CYB5R4: variants seen among roughly 807,000 people sequenced by gnomAD.
CYB5R4 encodes cytochrome b5 reductase 4.
A neutral mutation model predicts 70.2 loss-of-function variants in CYB5R4; 55 were observed. The observed-to-expected ratio is 0.78, with a 90% CI of 0.63 to 0.98. The LOEUF is 0.98. Among genes scored for constraint, CYB5R4 ranks in the 50% least tolerant of loss-of-function variants. CYB5R4 has a pLI of 0.00. For synonymous variants in CYB5R4, 197 were observed against 199.5 expected (o/e 0.99, Z 0.11); for missense variants, 562 against 612.6 (o/e 0.92, Z 0.87).
intron 10 of CYB5R4, among the ~76,000 whole-genome samples, chr6:83,932,705 C>A (rs988400156): frequency 2.6e-5 from 4 of 152,136 alleles, no homozygotes; most frequent in Admixed American, 6.5e-5. Flanking sequence ...CCAAATGACC[C>A]CAAATCTACT....
intron 2 of CYB5R4, among the ~76,000 whole-genome samples, chr6:83,877,531 G>A (rs2129130668): frequency 6.8e-6 from 1 of 147,790 alleles, no homozygotes; most frequent in African/African-American, 2.5e-5. Context: ...ATTACATGGT[G>A]AGAGAGGGGG....
Position 83,936,345 on chromosome 6 carries a change from C to A in CYB5R4, c.1077C>A (p.Leu359=). The A allele has an allele frequency of 1.2e-6, 2 of 1,611,906 alleles. No homozygotes were observed. Among genetic ancestry groups the A allele is most frequent in the Non-Finnish European group, 1.7e-6 (2 of 1,179,372 alleles). Residue 359 remains leucine, a synonymous_variant, in exon 12 of 16, where the codon CTC becomes CTA. Transcript: ENST00000369681. ...TGATAAAAATCTATCCCACTGGACT[C>A]TTCACACCAGAGCTTGATCGTCTTC... ...YFLIKIYPTG[L]FTPELDRLQI...
intron 3 of CYB5R4, among the ~76,000 whole-genome samples, chr6:83,900,309 T>C (rs2099462700): frequency 1.3e-5 from 2 of 152,212 alleles, no homozygotes; most frequent in South Asian, 4.1e-4. Flanking sequence ...AGTTCTAGTT[T>C]GATTGCACTG....
At chr6:83,950,710 TA>T (rs1484749842) in intron 14 of CYB5R4, among the ~76,000 whole-genome samples, 2 of 152,118 alleles carry the variant, frequency 1.3e-5, no homozygotes, top group African/African-American at 4.8e-5. Context: ...CTTCTTTTTA[TA>T]AAATTAATAC....
intron 3 of CYB5R4, among the ~76,000 whole-genome samples, chr6:83,897,585 A>G (rs1165911832): frequency 1.3e-5 from 2 of 152,148 alleles, no homozygotes; most frequent in Non-Finnish European, 2.9e-5. Flanking sequence ...AATGATGGCC[A>G]TTCTAACTGG....
intron 2 of CYB5R4, among the ~76,000 whole-genome samples, chr6:83,869,645 A>G (rs898719477): frequency 5.9e-5 from 9 of 152,312 alleles, no homozygotes; most frequent in South Asian, 4.1e-4. Flanking sequence ...CCTGCCCAAC[A>G]TGGCAAAACT....
At position 83,894,355 on chromosome 6, in the gene CYB5R4, A is replaced by G. The variant is rs73477131; in HGVS notation, c.330+733A>G. On this transcript the variant is annotated intron_variant, in intron 3 of 15. Transcript: ENST00000369681. ...TTTTGTATTTTAATGATGATTAACC[A>G]TGTTGTAATATTGGATTTTTATCAT... Among the ~76,000 whole-genome samples, 588 of 152,266 alleles carry G rather than the reference A, an allele frequency of 3.9e-3. 2 individuals carry two copies. Among genetic ancestry groups the G allele is most frequent in the African/African-American group, 0.013 (542 of 41,560 alleles).
Position 83,967,218 on chromosome 6 carries a change from C to A in CYB5R4, c.*7340C>A, listed in dbSNP as rs1396987971. 1 of 152,102 alleles carries A rather than the reference C, an allele frequency of 6.6e-6. No homozygotes were observed. Among genetic ancestry groups the A allele is most frequent in the Non-Finnish European group, 1.5e-5 (1 of 68,024 alleles). 9.4% of individuals were successfully genotyped at this position (152,102 alleles called of 1,614,324 possible). A position where few individuals can be genotyped will look rare whatever the true frequency, so the allele number is the denominator to read the frequency against. ...CCTAAGTAATCTACAAAAGAACAAG[C>A]TTTAAACAACCAGAAAGACTAGAAA... is the stretch of plus-strand genomic sequence containing the variant. On this transcript the variant is annotated 3_prime_UTR_variant, in exon 16 of 16. Coordinates refer to ENST00000369681, the MANE Select transcript of CYB5R4 (RefSeq NM_016230.4).
chr6:83,864,977 A>G (rs116594148), intron 2 of CYB5R4, among the ~76,000 whole-genome samples: 161 of 152,296 alleles, frequency 1.1e-3, no homozygotes, highest in African/African-American at 3.3e-3. Flanking sequence ...AAGGCATCCA[A>G]CTATACCATG....
chr6:83,876,498 C>T (rs202051124), intron 2 of CYB5R4, among the ~76,000 whole-genome samples: 1 of 144,024 alleles, frequency 6.9e-6, no homozygotes. Flanking sequence ...TACTTCTTTG[C>T]TTTTTTTTTT....
intron 4 of CYB5R4, among the ~76,000 whole-genome samples, chr6:83,911,836 G>C (rs1367017144): frequency 1.3e-5 from 2 of 151,918 alleles, no homozygotes; most frequent in Non-Finnish European, 2.9e-5. Flanking sequence ...TTGAGTTCAG[G>C]AGTTCAAGAC....
intron 2 of CYB5R4, among the ~76,000 whole-genome samples, chr6:83,893,318 G>C (rs1191221166): frequency 6.6e-6 from 1 of 152,124 alleles, no homozygotes; most frequent in Non-Finnish European, 1.5e-5. Flanking sequence ...TATCTGCCAG[G>C]ACCCATGAAA....
intron 1 of CYB5R4, among the ~76,000 whole-genome samples, chr6:83,860,697 T>G (rs1408550223): frequency 6.6e-6 from 1 of 152,228 alleles, no homozygotes; most frequent in East Asian, 1.9e-4. Flanking sequence ...TAGCATCGTT[T>G]GGAACCCTTA....
chr6:83,957,121 T>G, intron 15 of CYB5R4, among the ~76,000 whole-genome samples: 1 of 152,056 alleles, frequency 6.6e-6, no homozygotes, highest in South Asian at 2.1e-4. Flanking sequence ...TCTCTCAACT[T>G]AAAAAGATTT....
chr6:83,887,560 A>G (rs764779894), intron 2 of CYB5R4, among the ~76,000 whole-genome samples: 8 of 152,168 alleles, frequency 5.3e-5, no homozygotes, highest in Non-Finnish European at 1.0e-4. Flanking sequence ...CCTCTCTGCT[A>G]TGATGAATTA....
At position 83,918,108 on chromosome 6, in the gene CYB5R4, G is replaced by A. The variant is rs200526921; in HGVS notation, c.506+43G>A. 20 of 1,362,374 alleles carry A rather than the reference G, an allele frequency of 1.5e-5. No individual in the cohort carries two copies. In the African/African-American group the frequency reaches 1.7e-4, roughly 12 times the overall value. The allele number at this position is 1,362,374 out of a possible 1,614,324, so 84.4% of individuals were successfully genotyped here. A position where few individuals can be genotyped will look rare whatever the true frequency, so the allele number is the denominator to read the frequency against. ...AAATTTTTAAAGTTAAATCAATTAT[G>A]TACAAAAATGTACACATTTAAAAAA... is the stretch of plus-strand genomic sequence containing the variant. On this transcript the variant is annotated intron_variant, in intron 6 of 15. Coordinates refer to ENST00000369681, the MANE Select transcript of CYB5R4 (RefSeq NM_016230.4).
intron 3 of CYB5R4, 78 bp from the exon 4 acceptor site, chr6:83,908,931 T>G (rs2099464254): frequency 3.3e-6 from 4 of 1,200,586 alleles, no homozygotes; most frequent in Non-Finnish European, 4.9e-6. Context: ...TCAGAAAGTT[T>G]AGTTTTGCTC....
chr6:83,936,510 G>A (rs1196417093), intron 12 of CYB5R4, 134 bp downstream of exon 12: 1 of 724,524 alleles, frequency 1.4e-6, no homozygotes, highest in Non-Finnish European at 2.3e-6. Context: ...TCTTCTCCTT[G>A]TCCTACACAG....
At chr6:83,953,598 G>C (rs1231688090) in intron 14 of CYB5R4, among the ~76,000 whole-genome samples, 1 of 152,130 alleles carries the variant, frequency 6.6e-6, no homozygotes, top group Non-Finnish European at 1.5e-5. Flanking sequence ...TTGTATCAGA[G>C]TTTTTAGGGG....
Sources: allele counts gnomAD v4.1 joint callset (sites outside exome capture counted in the v4.1 genomes callset), GRCh38; gene constraint gnomAD v4.1.1; transcripts MANE v1.5; gene names NCBI Gene and HGNC (gene_info 2026-07-23, HGNC 2026-07-21).